FUT9: variants seen among roughly 807,000 people sequenced by gnomAD.
FUT9 encodes fucosyltransferase 9.
Under a neutral mutation model 29.7 loss-of-function variants are expected in FUT9, and 15 were observed. The observed-to-expected ratio is 0.51, with a 90% CI of 0.34 to 0.78. The LOEUF (loss-of-function observed/expected upper bound fraction) is 0.78, where lower values mean the gene tolerates loss of function less well. Among genes scored for constraint, FUT9 ranks in the 30% least tolerant of loss-of-function variants. The pLI is 0.01. For missense variants in FUT9, 319 were observed against 425.4 expected, an observed-to-expected ratio of 0.75 and a Z score of 2.20; for synonymous variants, 169 against 153.7, an observed-to-expected ratio of 1.10 and a Z score of -0.74.
intron 1 of FUT9, among the ~76,000 whole-genome samples, chr6:96,087,013 G>A (rs1582219953): frequency 6.6e-6 from 1 of 152,064 alleles, no homozygotes; most frequent in South Asian, 2.1e-4. Context: ...CAACACATGG[G>A]GATCAGCAAG....
intron 2 of FUT9, among the ~76,000 whole-genome samples, chr6:96,198,745 G>C (rs1352851899): frequency 6.6e-6 from 1 of 152,130 alleles, no homozygotes; most frequent in African/African-American, 2.4e-5. Context: ...CAGTGTAAAA[G>C]TGTTCCTATT....
intron 2 of FUT9, among the ~76,000 whole-genome samples, chr6:96,143,813 A>G (rs13215929): frequency 0.39 from 58,552 of 152,028 alleles, 12,276 homozygotes; most frequent in South Asian, 0.58. Context: ...CTATCTTGAA[A>G]GAAGCTAGGA....
intron 2 of FUT9, among the ~76,000 whole-genome samples, chr6:96,167,883 C>T (rs1346632590): frequency 2.6e-5 from 4 of 151,976 alleles, no homozygotes; most frequent in Admixed American, 6.6e-5. Flanking sequence ...TGGCCATAAA[C>T]GAGTGGCCAG....
chr6:96,090,459 A>G (rs1771392801), intron 1 of FUT9, among the ~76,000 whole-genome samples: 1 of 151,902 alleles, frequency 6.6e-6, no homozygotes, highest in Non-Finnish European at 1.5e-5. Context: ...AGCAACAGGA[A>G]ATAATTATAT....
intron 1 of FUT9, among the ~76,000 whole-genome samples, chr6:96,051,280 T>C (rs891176837): frequency 3.3e-5 from 5 of 152,182 alleles, no homozygotes; most frequent in African/African-American, 1.2e-4. Flanking sequence ...CCCTATGAAA[T>C]AGTAATAAAG....
rs183254225 is a variant in FUT9 at position 96,190,661 on chromosome 6, C to A, written c.-8-12487C>A. On this transcript the variant is annotated intron_variant, in intron 2 of 2. Transcript: ENST00000302103. ...TCTCACTTCATTTCATTCATTTGAT[C>A]TTCAATCACTGGTACCCTTTCTTCC... Among the ~76,000 whole-genome samples the A allele has an allele frequency of 3.1e-3, 478 of 152,224 alleles. 9 individuals are homozygous for A. The highest frequency in any genetic ancestry group is 1.1e-3 in the Non-Finnish European group (74 of 68,022).
chr6:96,047,204 A>G lies in FUT9; in HGVS notation c.-98+30992A>G, dbSNP rs115904428. On this transcript the variant is annotated intron_variant, in intron 1 of 2. Transcript: ENST00000302103. ...AATGAAAATGTTATGGAGAAATGGT[A>G]AGAACCAGTAGTGTTATCCAATTAT... is the stretch of plus-strand genomic sequence containing the variant. Among the ~76,000 whole-genome samples the G allele has an allele frequency of 4.7e-3, 723 of 152,308 alleles. 6 individuals are homozygous for G. Among genetic ancestry groups the G allele is most frequent in the African/African-American group, 0.017 (699 of 41,572 alleles).
At chr6:96,163,346 G>T (rs1772949548) in intron 2 of FUT9, among the ~76,000 whole-genome samples, 1 of 148,250 alleles carries the variant, frequency 6.7e-6, no homozygotes. Context: ...ACTAAATATG[G>T]CCTGAGAAGG....
chr6:96,128,481 C>T (rs1293146820), intron 2 of FUT9, among the ~76,000 whole-genome samples: 1 of 152,090 alleles, frequency 6.6e-6, no homozygotes, highest in East Asian at 1.9e-4. Flanking sequence ...TAACATTCAT[C>T]GTTATTAAGT....
In FUT9 at chr6:96,029,172, C is replaced by T. The variant is rs187785229; in HGVS notation, c.-98+12960C>T. Among the ~76,000 whole-genome samples, 25 of 151,518 alleles carry T rather than the reference C, an allele frequency of 1.6e-4. No individual in the cohort carries two copies. The East Asian group carries it at 3.3e-3, about 20-fold the overall frequency. On this transcript the variant is annotated intron_variant, in intron 1 of 2. Transcript: ENST00000302103. Reference sequence around the variant, plus strand: ...GAATAGGACCTGGCTGTCATACAAGCGATGATAGAAATTATTATTATCTAA... The same window carrying T: ...GAATAGGACCTGGCTGTCATACAAGTGATGATAGAAATTATTATTATCTAA...
intron 1 of FUT9, among the ~76,000 whole-genome samples, chr6:96,017,249 G>A (rs1414386026): frequency 6.6e-6 from 1 of 152,200 alleles, no homozygotes; most frequent in Non-Finnish European, 1.5e-5. Flanking sequence ...CTAAAAGAGC[G>A]ATATAGGAGG....
At chr6:96,118,920 G>T (rs975116691) in intron 2 of FUT9, among the ~76,000 whole-genome samples, 1 of 151,944 alleles carries the variant, frequency 6.6e-6, no homozygotes, top group Admixed American at 6.6e-5. Context: ...AAAGCTTATA[G>T]AATAAGGATT....
intron 2 of FUT9, among the ~76,000 whole-genome samples, chr6:96,171,021 G>A (rs551978915): frequency 6.6e-6 from 1 of 152,252 alleles, no homozygotes; most frequent in East Asian, 1.9e-4. Flanking sequence ...CAGGGTCTGA[G>A]ACAAAGACTT....
intron 2 of FUT9, among the ~76,000 whole-genome samples, chr6:96,127,563 G>C (rs904718759): frequency 1.3e-5 from 2 of 152,064 alleles, no homozygotes; most frequent in Non-Finnish European, 2.9e-5. Context: ...TCCAGTAATG[G>C]GATTGCTGGG....
At chr6:96,153,136 CT>C (rs34145492) in intron 2 of FUT9, among the ~76,000 whole-genome samples, 24,076 of 152,088 alleles carry the variant, frequency 0.16, 2,105 homozygotes, top group African/African-American at 0.19. Context: ...AATTGGGGTA[CT>C]TACAAAAAGT....
At chr6:96,162,430 A>G (rs1020295310) in intron 2 of FUT9, among the ~76,000 whole-genome samples, 1 of 152,160 alleles carries the variant, frequency 6.6e-6, no homozygotes, top group African/African-American at 2.4e-5. Context: ...TGGAAAATAT[A>G]CTAAATTATT....
chr6:96,179,414 AGT>A (rs1480911770), intron 2 of FUT9, among the ~76,000 whole-genome samples: 2 of 152,130 alleles, frequency 1.3e-5, no homozygotes, highest in Non-Finnish European at 2.9e-5. Flanking sequence ...TTATAATGCA[AGT>A]GCTATGTCAA....
chr6:96,129,384 G>A (rs1362464350), intron 2 of FUT9, among the ~76,000 whole-genome samples: 1 of 151,686 alleles, frequency 6.6e-6, no homozygotes, highest in Admixed American at 6.6e-5. Context: ...AAAGTTCGAG[G>A]CTTCGAGGCT....
At chr6:96,203,096 T>C in intron 2 of FUT9, 52 bp from the exon 3 acceptor site, 1 of 1,373,938 alleles carries the variant, frequency 7.3e-7, no homozygotes, top group Non-Finnish European at 9.9e-7. Flanking sequence ...TATTTATGAT[T>C]TTCTCTTCAT....
Sources: gnomAD v4.1 joint callset for allele counts (sites outside exome capture counted in the v4.1 genomes callset) on GRCh38, gnomAD v4.1.1 for gene constraint, MANE v1.5 for transcripts, NCBI Gene and HGNC (gene_info 2026-07-23, HGNC 2026-07-21) for gene names.